The following CTNNA3 variants were observed in gnomAD, a reference collection of about 807,000 sequenced individuals.
CTNNA3 encodes catenin alpha 3.
A neutral mutation model predicts 95.7 loss-of-function variants in CTNNA3; 76 were observed. The ratio of observed to expected loss-of-function variants is 0.79; its 90% CI spans 0.66 to 0.96. The LOEUF is 0.96. Ranked by LOEUF, CTNNA3 falls within the 40% of genes least tolerant of loss-of-function variation. CTNNA3 has a pLI of 0.00. For missense variants in CTNNA3, 1,191 were observed against 1,089.8 expected (o/e 1.09, Z -1.31); for synonymous variants, 431 against 374.4 (o/e 1.15, Z -1.74).
intron 5 of CTNNA3, among the ~76,000 whole-genome samples, chr10:67,282,594 C>T (rs559371654): frequency 7.9e-4 from 120 of 152,342 alleles, no homozygotes; most frequent in African/African-American, 2.6e-3. Flanking sequence ...ATACAAATTA[C>T]ATCTTTAAAC....
At chr10:67,553,609 T>C (rs190903068) in intron 3 of CTNNA3, among the ~76,000 whole-genome samples, 16 of 152,274 alleles carry the variant, frequency 1.1e-4, no homozygotes, top group African/African-American at 3.9e-4. Flanking sequence ...GAAATAAGAT[T>C]ATTCTCTGGG....
chr10:67,755,819 A>AAAAAAG (rs1554881122), intron 1 of CTNNA3, among the ~76,000 whole-genome samples: 30 of 145,186 alleles, frequency 2.1e-4, no homozygotes, highest in African/African-American at 4.4e-4. Flanking sequence ...AAAAAAAAAA[A>AAAAAAG]AAAGAAAGAA....
intron 13 of CTNNA3, among the ~76,000 whole-genome samples, chr10:66,127,632 G>A (rs1055942746): frequency 1.3e-5 from 2 of 152,104 alleles, no homozygotes; most frequent in Non-Finnish European, 2.9e-5. Flanking sequence ...GCTAGGAAAG[G>A]AAAAGGACAT....
At chr10:67,659,502 C>T (rs1170940696) in intron 1 of CTNNA3, among the ~76,000 whole-genome samples, 2 of 152,074 alleles carry the variant, frequency 1.3e-5, no homozygotes, top group African/African-American at 4.8e-5. Context: ...AAAAGTATGC[C>T]AAAATGGAGA....
At chr10:66,072,113 T>G (rs936730058) in intron 14 of CTNNA3, among the ~76,000 whole-genome samples, 1 of 152,210 alleles carries the variant, frequency 6.6e-6, no homozygotes, top group African/African-American at 2.4e-5. Flanking sequence ...AATCAGTGTG[T>G]CTCTGTTCCA....
intron 9 of CTNNA3, among the ~76,000 whole-genome samples, chr10:66,661,488 C>A (rs1456722911): frequency 6.6e-6 from 1 of 152,010 alleles, no homozygotes; most frequent in Non-Finnish European, 1.5e-5. Context: ...CACAGCCAAC[C>A]CATATCAAAT....
intron 6 of CTNNA3, among the ~76,000 whole-genome samples, chr10:67,195,926 T>A (rs560127528): frequency 6.6e-6 from 1 of 152,098 alleles, no homozygotes; most frequent in African/African-American, 2.4e-5. Flanking sequence ...TTACACCTAT[T>A]CTCCAAAGTG....
intron 9 of CTNNA3, among the ~76,000 whole-genome samples, chr10:66,622,807 A>T (rs372129234): frequency 2.6e-5 from 4 of 152,204 alleles, no homozygotes; most frequent in Admixed American, 2.0e-4. Context: ...TAAACAACAT[A>T]TGACTTTGGA....
At chr10:67,159,966 C>T (rs1381054185) in intron 7 of CTNNA3, among the ~76,000 whole-genome samples, 2 of 152,086 alleles carry the variant, frequency 1.3e-5, no homozygotes, top group African/African-American at 4.8e-5. Flanking sequence ...GCAAATCATA[C>T]ATCTATCTGA....
chr10:66,088,645 T>C (rs1228298081), intron 14 of CTNNA3, among the ~76,000 whole-genome samples: 2 of 151,998 alleles, frequency 1.3e-5, no homozygotes, highest in East Asian at 3.9e-4. Context: ...TTCCCAGTTT[T>C]CCTGCAGACA....
intron 5 of CTNNA3, among the ~76,000 whole-genome samples, chr10:67,248,009 C>T (rs1157332745): frequency 2.0e-5 from 3 of 152,094 alleles, no homozygotes; most frequent in African/African-American, 7.2e-5. Context: ...GGTATCATGA[C>T]AATTCAATAC....
At chr10:67,373,044 G>A (rs949725907) in intron 5 of CTNNA3, among the ~76,000 whole-genome samples, 16 of 152,120 alleles carry the variant, frequency 1.1e-4, no homozygotes, top group Non-Finnish European at 1.8e-4. Flanking sequence ...AAAGACCATC[G>A]AGGCTAGGAA....
At chr10:66,690,802 TAGC>T (rs1335659327) in intron 9 of CTNNA3, among the ~76,000 whole-genome samples, 2 of 152,140 alleles carry the variant, frequency 1.3e-5, no homozygotes, top group Non-Finnish European at 2.9e-5. Context: ...TGTGTCTTTA[TAGC>T]AGCATGATTT....
At chr10:66,140,378 G>T (rs1216197802) in intron 13 of CTNNA3, among the ~76,000 whole-genome samples, 3 of 152,116 alleles carry the variant, frequency 2.0e-5, no homozygotes, top group African/African-American at 7.2e-5. Context: ...TCTGAGGAAG[G>T]TAATGTTAAG....
intron 12 of CTNNA3, among the ~76,000 whole-genome samples, chr10:66,330,903 C>A (rs142487316): frequency 0.015 from 2,218 of 152,148 alleles, 54 homozygotes; most frequent in African/African-American, 0.051. Flanking sequence ...CCTTTGCCCA[C>A]TTTTTGATGG....
intron 7 of CTNNA3, among the ~76,000 whole-genome samples, chr10:66,978,161 T>C (rs976320876): frequency 2.6e-5 from 4 of 151,756 alleles, no homozygotes; most frequent in Non-Finnish European, 5.9e-5. Flanking sequence ...TCAATAGGTA[T>C]AAAATTTCAG....
intron 10 of CTNNA3, among the ~76,000 whole-genome samples, chr10:66,621,390 G>A (rs929174325): frequency 2.0e-5 from 3 of 151,904 alleles, no homozygotes; most frequent in Admixed American, 6.6e-5. Flanking sequence ...TTGGGAGGCC[G>A]AGGTGGGCAG....
intron 15 of CTNNA3, among the ~76,000 whole-genome samples, chr10:66,003,953 G>C (rs1434396787): frequency 1.3e-5 from 2 of 152,100 alleles, no homozygotes; most frequent in African/African-American, 4.8e-5. Context: ...ATGCTGCTTC[G>C]CATGCCCACT....
rs1564897027 is a variant in CTNNA3, at chr10:66,360,776, T to C, written c.1732+18376A>G. On this transcript the variant is annotated intron_variant, in intron 12 of 17. Transcript: ENST00000433211. ...CCTTCCTTCCTTCCTTCCTTTTCTT[T>C]CTTTCTTTCTTCCTTCCTTCCTTCC... Among the ~76,000 whole-genome samples, 8 of 55,606 alleles carry C rather than the reference T, an allele frequency of 1.4e-4. 1 individual carries two copies. Among genetic ancestry groups the C allele is most frequent in the African/African-American group, 4.9e-4 (8 of 16,442 alleles). The allele number at this position is 55,606 out of a possible 152,430, so 36.5% of individuals were successfully genotyped here. A position where few individuals can be genotyped will look rare whatever the true frequency, so the allele number is the denominator to read the frequency against.
Sources: gnomAD v4.1 joint callset for allele counts (sites outside exome capture counted in the v4.1 genomes callset) on GRCh38, gnomAD v4.1.1 for gene constraint, MANE v1.5 for transcripts, NCBI Gene and HGNC (gene_info 2026-07-23, HGNC 2026-07-21) for gene names.